The following NR3C1 variants were observed in gnomAD, a reference collection of about 807,000 sequenced individuals.
NR3C1 encodes the protein nuclear receptor subfamily 3 group C member 1.
A neutral mutation model predicts 74.0 loss-of-function variants in NR3C1; 14 were observed. The ratio of observed to expected loss-of-function variants is 0.19; its 90% CI spans 0.12 to 0.30. NR3C1 has a LOEUF of 0.30. Ranked by LOEUF, NR3C1 falls within the 10% of genes least tolerant of loss-of-function variation. NR3C1 has a pLI of 1.00. For missense variants in NR3C1, 695 were observed against 909.8 expected (o/e 0.76, Z 3.04); for synonymous variants, 308 against 332.5 (o/e 0.93, Z 0.80).
At chr5:143,332,937 T>G (rs1826302093) in intron 2 of NR3C1, 5 of 1,569,952 alleles carry the variant, frequency 3.2e-6, no homozygotes, top group Middle Eastern at 2.2e-4. Context: ...AAATCTGAAG[T>G]CTGTCCGAGA....
In NR3C1 at chr5:143,402,732, G is replaced by A. The variant is rs1024559230; in HGVS notation, c.-14+479C>T. ...CGCCCCGCACGCCCTCCTCAAGCCA[G>A]GCGCCGCCGGGGCCTCCCCGGAGCC... On this transcript the variant is annotated intron_variant, in intron 1 of 8. Coordinates refer to ENST00000394464, the MANE Select transcript of NR3C1 (RefSeq NM_000176.3). 9.1e-6 allele frequency: 9 copies of A among 985,252 alleles called. No individual in the cohort carries two copies. In the African/African-American group the frequency reaches 1.2e-4, roughly 13 times the overall value. The allele number at this position is 985,252 out of a possible 1,614,324, so 61.0% of individuals were successfully genotyped here. A position where few individuals can be genotyped will look rare whatever the true frequency, so the allele number is the denominator to read the frequency against.
At chr5:143,403,758 C>T, upstream of NR3C1, 1 of 984,496 alleles carries the variant, frequency 1.0e-6, no homozygotes, top group African/African-American at 1.7e-5. Context: ...CGAGGGGCCG[C>T]GCGGCGGCCG....
At chr5:143,386,617 C>CAGGAAGAAAGAGGAA (rs1302588116) in intron 2 of NR3C1, among the ~76,000 whole-genome samples, 2 of 151,818 alleles carry the variant, frequency 1.3e-5, no homozygotes, top group African/African-American at 4.8e-5. Context: ...GGGAGATGTG[C>CAGGAAGAAAGAGGAA]AGGAAGAAAG....
intron 1 of NR3C1, among the ~76,000 whole-genome samples, chr5:143,411,149 C>T (rs1017240313): frequency 7.2e-5 from 11 of 152,158 alleles, no homozygotes; most frequent in African/African-American, 9.7e-5. Context: ...CCCTTCCTAA[C>T]GCTGCATTCA....
intron 8 of NR3C1, 78 bp from the exon 9 acceptor site, chr5:143,282,119 T>A: frequency 6.6e-7 from 1 of 1,512,056 alleles, no homozygotes; most frequent in Non-Finnish European, 9.2e-7. Flanking sequence ...TCCTCTATTT[T>A]GAAAAAATTA....
chr5:143,290,411 C>T (rs1815601360), intron 7 of NR3C1, among the ~76,000 whole-genome samples: 1 of 152,234 alleles, frequency 6.6e-6, no homozygotes, highest in African/African-American at 2.4e-5. Flanking sequence ...TGGCCCTTTA[C>T]AGAAAAAGTT....
chr5:143,407,383 C>G (rs1841149981), upstream of NR3C1: 2 of 152,160 alleles, frequency 1.3e-5, no homozygotes, highest in Admixed American at 1.3e-4. Flanking sequence ...GAGTGCTCCC[C>G]CCACTTTTTT....
At chr5:143,331,744 G>C (rs1267553976) in intron 2 of NR3C1, among the ~76,000 whole-genome samples, 1 of 152,098 alleles carries the variant, frequency 6.6e-6, no homozygotes, top group South Asian at 2.1e-4. Context: ...TGAGTACACA[G>C]GGACACAAAG....
intron 1 of NR3C1, among the ~76,000 whole-genome samples, chr5:143,402,307 CCCAGTTTAAG>C (rs1173838761): frequency 6.6e-6 from 1 of 152,292 alleles, no homozygotes; most frequent in East Asian, 1.9e-4. Context: ...GACATTATCC[CCCAGTTTAAG>C]TTGCAAATAA....
chr5:143,434,913 A>G, exon 1 of NR3C1: 6 of 985,460 alleles, frequency 6.1e-6, no homozygotes, highest in Non-Finnish European at 7.2e-6. Context: ...GAATTTCAGA[A>G]GTGAAGAAAA....
chr5:143,387,767 C>T (rs1561746270), intron 2 of NR3C1, among the ~76,000 whole-genome samples: 1 of 152,112 alleles, frequency 6.6e-6, no homozygotes, highest in African/African-American at 2.4e-5. Context: ...CTGTTATATA[C>T]TATAGACAGA....
At chr5:143,316,375 T>G (rs1158250459) in intron 2 of NR3C1, among the ~76,000 whole-genome samples, 2 of 152,228 alleles carry the variant, frequency 1.3e-5, no homozygotes, top group Non-Finnish European at 2.9e-5. Flanking sequence ...GTGCATTGTT[T>G]AAAGGTTAGG....
At chr5:143,346,112 T>G (rs1043710250) in intron 2 of NR3C1, among the ~76,000 whole-genome samples, 4 of 152,356 alleles carry the variant, frequency 2.6e-5, no homozygotes, top group Middle Eastern at 3.4e-3. Context: ...CACTGCATGC[T>G]GTCAGACTCC....
chr5:143,298,883 G>T (rs72542750), intron 5 of NR3C1, 71 bp from the exon 6 acceptor site: 2 of 1,520,160 alleles, frequency 1.3e-6, no homozygotes, highest in Non-Finnish European at 9.0e-7. Context: ...TTGCCAAGGA[G>T]CAATGAGATC....
In NR3C1 at chr5:143,399,736, T is replaced by C. The variant is rs1172229910; in HGVS notation, c.1104A>G (p.Gln368=). The part of the protein sequence containing the change: ...PVGSENWNRC[Q]GSGDDNLTSL... Reference sequence around the variant, plus strand: ...AAGTCAAGTTGTCATCTCCAGATCCTTGGCACCTATTCCAATTTTCGGAAC... The same window carrying C: ...AAGTCAAGTTGTCATCTCCAGATCCCTGGCACCTATTCCAATTTTCGGAAC... The change falls in exon 2 of 9, where the codon CAA becomes CAG. Residue 368 remains glutamine (Q), a synonymous_variant. Coordinates refer to ENST00000394464, the MANE Select transcript of NR3C1 (RefSeq NM_000176.3). 1.9e-6 allele frequency: 3 copies of C among 1,614,202 alleles called. No homozygotes were observed. The highest frequency in any genetic ancestry group is 8.5e-7 in the Non-Finnish European group (1 of 1,180,020).
At chr5:143,369,989 G>A (rs1285532949) in intron 2 of NR3C1, among the ~76,000 whole-genome samples, 1 of 152,108 alleles carries the variant, frequency 6.6e-6, no homozygotes, top group Non-Finnish European at 1.5e-5. Context: ...TCAAAATCTT[G>A]CAATCTTCAA....
At chr5:143,294,100 TG>T (rs1816592595) in intron 7 of NR3C1, 3 of 985,190 alleles carry the variant, frequency 3.0e-6, no homozygotes, top group Non-Finnish European at 3.6e-6. Context: ...AATAACTTTT[TG>T]TTGAGCAAAA....
In NR3C1 at chr5:143,298,729, T is replaced by G. The variant is rs370326917; in HGVS notation, c.1831A>C (p.Arg611=). 1.1e-5 allele frequency: 18 copies of G among 1,613,810 alleles called. No homozygotes were observed. The African/African-American group carries it at 1.7e-4, about 16-fold the overall frequency. ...TTTGCACTTGATTGTCTATATGATC[T>G]CCACCCCAGAGCAAATGCCATAAGA... is the stretch of plus-strand genomic sequence containing the variant. ...MFLMAFALGW[R]SYRQSSANLL... is the part of the protein sequence containing the mutation. The change falls in exon 6 of 9, where the codon AGA becomes CGA. Residue 611 remains arginine, a synonymous_variant. Transcript: ENST00000394464.
At chr5:143,427,883 A>AGACTT (rs1029813776) in intron 1 of NR3C1, among the ~76,000 whole-genome samples, 2 of 152,200 alleles carry the variant, frequency 1.3e-5, no homozygotes, top group African/African-American at 4.8e-5. Context: ...TCCTACCGAT[A>AGACTT]GACTTGTGAG....
Sources: gnomAD v4.1 joint callset for allele counts (sites outside exome capture counted in the v4.1 genomes callset) on GRCh38, gnomAD v4.1.1 for gene constraint, MANE v1.5 for transcripts, NCBI Gene and HGNC (gene_info 2026-07-23, HGNC 2026-07-21) for gene names.